The following CPPED1 variants were observed in gnomAD, a reference collection of about 807,000 sequenced individuals.
The protein encoded by CPPED1 is serine/threonine-protein phosphatase CPPED1.
CPPED1 carries 28 observed loss-of-function variants against 28.0 expected under a neutral mutation model. That is an observed-to-expected ratio of 1.00 (90% CI 0.74 to 1.37). CPPED1 has a LOEUF of 1.37. CPPED1 is among the 40% of genes most tolerant of loss of function. The pLI, the probability that CPPED1 is intolerant of heterozygous loss-of-function variation, is 0.00. For synonymous variants in CPPED1, 198 were observed against 180.2 expected, an observed-to-expected ratio of 1.10 and a Z score of -0.79; for missense variants, 504 against 416.5, an observed-to-expected ratio of 1.21 and a Z score of -1.83.
chr16:12,750,206 T>G (rs150827408), intron 2 of CPPED1, among the ~76,000 whole-genome samples: 6 of 152,346 alleles, frequency 3.9e-5, no homozygotes, highest in Admixed American at 2.0e-4. Context: ...TCGCTAGCAC[T>G]TGTTAGTTTC....
chr16:12,697,648 A>T (rs1356389088), intron 3 of CPPED1, among the ~76,000 whole-genome samples: 1 of 152,218 alleles, frequency 6.6e-6, no homozygotes, highest in Non-Finnish European at 1.5e-5. Flanking sequence ...GTTTCTGGAA[A>T]TAAAGTTTTA....
At chr16:12,767,295 G>A (rs1329455044) in intron 2 of CPPED1, among the ~76,000 whole-genome samples, 2 of 152,168 alleles carry the variant, frequency 1.3e-5, no homozygotes, top group African/African-American at 4.8e-5. Context: ...GCTCAAACAG[G>A]AGGCAAATTC....
intron 2 of CPPED1, among the ~76,000 whole-genome samples, chr16:12,779,703 G>A (rs1256556223): frequency 6.6e-6 from 1 of 151,912 alleles, no homozygotes; most frequent in African/African-American, 2.4e-5. Context: ...TATGGGTTTT[G>A]TTCTAGATAA....
intron 1 of CPPED1, among the ~76,000 whole-genome samples, chr16:12,797,219 C>T (rs1350996730): frequency 6.6e-6 from 1 of 152,084 alleles, no homozygotes; most frequent in Non-Finnish European, 1.5e-5. Context: ...ACTTAAAATG[C>T]ATGTTATGGT....
chr16:12,782,189 G>A (rs541570180), intron 1 of CPPED1, among the ~76,000 whole-genome samples: 16 of 152,250 alleles, frequency 1.1e-4, no homozygotes, highest in South Asian at 4.1e-4. Flanking sequence ...GAACTGCCGC[G>A]CCAGTGCCTG....
chr16:12,695,459 CAG>C (rs1055494431), intron 3 of CPPED1, among the ~76,000 whole-genome samples: 4 of 152,010 alleles, frequency 2.6e-5, no homozygotes, highest in Admixed American at 1.3e-4. Flanking sequence ...TTCGCAAAGA[CAG>C]AGTCTCACTA....
chr16:12,757,612 A>C (rs2080379186), intron 2 of CPPED1: 1 of 142,016 alleles, frequency 7.0e-6, no homozygotes, highest in Non-Finnish European at 1.5e-5. Context: ...TGCCTGCACA[A>C]ATTCTTCCTA....
intron 1 of CPPED1, among the ~76,000 whole-genome samples, chr16:12,794,628 G>A (rs1238185592): frequency 6.6e-6 from 1 of 152,106 alleles, no homozygotes; most frequent in Non-Finnish European, 1.5e-5. Flanking sequence ...AACTGGTAGT[G>A]CATTCCTAAT....
rs1313001307 is a variant in CPPED1 at position 12,664,277 on chromosome 16, G to A, written c.*609C>T. 9 of 822,852 alleles carry A rather than the reference G, an allele frequency of 1.1e-5. No individual in the cohort carries two copies. Among genetic ancestry groups the A allele is most frequent in the Middle Eastern group, 6.2e-4 (1 of 1,610 alleles). The allele number at this position is 822,852 out of a possible 1,614,324, so 51.0% of individuals were successfully genotyped here. A position where few individuals can be genotyped will look rare whatever the true frequency, so the allele number is the denominator to read the frequency against. On this transcript the variant is annotated 3_prime_UTR_variant, in exon 4 of 4. Transcript: ENST00000381774. The surrounding 1 kb of genome is among the most constrained non-coding windows in gnomAD (Gnocchi z 4.2). ...ACCCAGGAAGGCAAATTTAAGCTCC[G>A]AGCTGTATCAACTGCATTCTGTTCC... is the stretch of plus-strand genomic sequence containing the variant.
rs759364110 is a variant in CPPED1 at position 12,705,076 on chromosome 16, G to A, written c.290-27C>T. On this transcript the variant is annotated intron_variant, in intron 2 of 3. Transcript: ENST00000381774. ...TGGAAGAGTGAGGGTCACGTCCTGA[G>A]AAAGCCAGGGGCTTATTCACTTGAA... 78 of 1,579,246 alleles carry A rather than the reference G, an allele frequency of 4.9e-5. No individual in the cohort carries two copies. The East Asian group carries it at 1.1e-3, about 23-fold the overall frequency.
chr16:12,710,178 T>G (rs926096723), intron 2 of CPPED1, among the ~76,000 whole-genome samples: 4 of 152,146 alleles, frequency 2.6e-5, no homozygotes, highest in African/African-American at 9.7e-5. Context: ...GGATGCAAAG[T>G]AAATATATAA....
At chr16:12,702,145 T>C (rs1003658176) in intron 3 of CPPED1, among the ~76,000 whole-genome samples, 1 of 152,122 alleles carries the variant, frequency 6.6e-6, no homozygotes, top group Non-Finnish European at 1.5e-5. Flanking sequence ...GCAACTCTGG[T>C]TCCTGTGCTT....
At chr16:12,792,819 T>A (rs1232366830) in intron 1 of CPPED1, among the ~76,000 whole-genome samples, 1 of 152,192 alleles carries the variant, frequency 6.6e-6, no homozygotes, top group Non-Finnish European at 1.5e-5. Context: ...TCTTCCCCCA[T>A]GATTGTGAGG....
intron 2 of CPPED1, among the ~76,000 whole-genome samples, chr16:12,747,943 C>A (rs2080301464): frequency 6.6e-6 from 1 of 152,146 alleles, no homozygotes; most frequent in Non-Finnish European, 1.5e-5. Flanking sequence ...AAGAGGAACA[C>A]CACGCAGTGC....
At chr16:12,785,969 T>C (rs1220457211) in intron 1 of CPPED1, among the ~76,000 whole-genome samples, 1 of 148,086 alleles carries the variant, frequency 6.8e-6, no homozygotes, top group Non-Finnish European at 1.5e-5. Context: ...CACTCAGGGG[T>C]CCAGTTTTTT....
At chr16:12,754,470 T>G (rs2080351767) in intron 2 of CPPED1, among the ~76,000 whole-genome samples, 1 of 152,320 alleles carries the variant, frequency 6.6e-6, no homozygotes. Context: ...GCCCAATTTC[T>G]AAACCTGATG....
At chr16:12,725,853 A>T (rs996796509) in intron 2 of CPPED1, among the ~76,000 whole-genome samples, 1 of 152,158 alleles carries the variant, frequency 6.6e-6, no homozygotes, top group African/African-American at 2.4e-5. Flanking sequence ...TCACTTTGAC[A>T]CCACCTCTTA....
At chr16:12,759,728 T>C (rs1018872148) in intron 2 of CPPED1, among the ~76,000 whole-genome samples, 1 of 152,200 alleles carries the variant, frequency 6.6e-6, no homozygotes, top group Admixed American at 6.5e-5. Context: ...TTAAAAGTGT[T>C]GGGCAGTTGC....
At chr16:12,736,297 G>A (rs2080226540) in intron 2 of CPPED1, among the ~76,000 whole-genome samples, 1 of 151,086 alleles carries the variant, frequency 6.6e-6, no homozygotes, top group South Asian at 2.1e-4. Context: ...CCAGGCTGGA[G>A]TGCAATGGCA....
Sources: gnomAD v4.1 joint callset for allele counts (sites outside exome capture counted in the v4.1 genomes callset) on GRCh38, gnomAD v4.1.1 for gene constraint, Gnocchi (gnomAD v3.1) non-coding constraint, MANE v1.5 for transcripts, NCBI Gene and HGNC (gene_info 2026-07-23, HGNC 2026-07-21) for gene names.